Variants in KCNJ3 observed in about 807,000 individuals in gnomAD.
KCNJ3 encodes potassium inwardly rectifying channel subfamily J member 3.
Under a neutral mutation model 39.2 loss-of-function variants are expected in KCNJ3, and 4 were observed. That is an observed-to-expected ratio of 0.10 (90% CI 0.05 to 0.23). The LOEUF (loss-of-function observed/expected upper bound fraction) is 0.23. Ranked by LOEUF, KCNJ3 falls within the 10% of genes least tolerant of loss-of-function variation. KCNJ3 has a pLI of 1.00. For missense variants in KCNJ3, 276 were observed against 634.9 expected, an observed-to-expected ratio of 0.43 and a Z score of 6.08; for synonymous variants, 230 against 237.4, an observed-to-expected ratio of 0.97 and a Z score of 0.29.
At chr2:154,830,053 C>T (rs1215437948) in intron 2 of KCNJ3, among the ~76,000 whole-genome samples, 1 of 152,036 alleles carries the variant, frequency 6.6e-6, no homozygotes, top group Non-Finnish European at 1.5e-5. Flanking sequence ...TATAAGTAAA[C>T]CTGTACAGAA....
intron 2 of KCNJ3, among the ~76,000 whole-genome samples, chr2:154,755,169 A>T (rs578046506): frequency 6.6e-6 from 1 of 152,154 alleles, no homozygotes; most frequent in South Asian, 2.1e-4. Flanking sequence ...CCACATTTTT[A>T]AAGTTTTTCA....
At chr2:154,714,291 C>A (rs915867883) in intron 2 of KCNJ3, among the ~76,000 whole-genome samples, 2 of 152,104 alleles carry the variant, frequency 1.3e-5, no homozygotes, top group African/African-American at 4.8e-5. Context: ...TCCCTTTATA[C>A]ATTTAAGGTT....
At chr2:154,798,084 A>G (rs537277850) in intron 2 of KCNJ3, among the ~76,000 whole-genome samples, 1 of 151,890 alleles carries the variant, frequency 6.6e-6, no homozygotes, top group African/African-American at 2.4e-5. Flanking sequence ...CACACCCTAC[A>G]TGTACACAAA....
chr2:154,848,427 A>G (rs1360200378), intron 2 of KCNJ3, among the ~76,000 whole-genome samples: 2 of 152,122 alleles, frequency 1.3e-5, no homozygotes, highest in African/African-American at 4.8e-5. Flanking sequence ...AATTAATATC[A>G]CCACTATTAT....
At chr2:154,746,736 C>G (rs1310178444) in intron 2 of KCNJ3, among the ~76,000 whole-genome samples, 1 of 150,914 alleles carries the variant, frequency 6.6e-6, no homozygotes, top group African/African-American at 2.4e-5. Context: ...ACAGGGAGCA[C>G]AAGAAAATTC....
intron 2 of KCNJ3, among the ~76,000 whole-genome samples, chr2:154,852,375 G>A (rs996531533): frequency 5.3e-5 from 8 of 152,084 alleles, no homozygotes; most frequent in Non-Finnish European, 5.9e-5. Flanking sequence ...CAGCCTGGGC[G>A]ACAGAGTGAG....
At chr2:154,825,791 C>CTGGTCTCGCCCAGGT (rs1687261392) in intron 2 of KCNJ3, among the ~76,000 whole-genome samples, 1 of 151,346 alleles carries the variant, frequency 6.6e-6, no homozygotes, top group Non-Finnish European at 1.5e-5. Context: ...GTTGCCCAGG[C>CTGGTCTCGCCCAGGT]TGGTCTCAAA....
chr2:154,745,207 G>A (rs958989662), intron 2 of KCNJ3, among the ~76,000 whole-genome samples: 6 of 151,938 alleles, frequency 3.9e-5, no homozygotes, highest in African/African-American at 1.4e-4. Context: ...ATGTTAATTG[G>A]TGGAATGTTT....
chr2:154,806,914 A>G (rs1686921660), intron 2 of KCNJ3, among the ~76,000 whole-genome samples: 1 of 152,194 alleles, frequency 6.6e-6, no homozygotes, highest in Non-Finnish European at 1.5e-5. Context: ...GGTATATTAG[A>G]TTCCACGGGT....
intron 2 of KCNJ3, among the ~76,000 whole-genome samples, chr2:154,846,039 G>A (rs1194606075): frequency 6.6e-6 from 1 of 152,024 alleles, no homozygotes; most frequent in Admixed American, 6.6e-5. Context: ...AATAGGATAG[G>A]GAGTTAAAGG....
chr2:154,852,396 G>C (rs753539931), intron 2 of KCNJ3, among the ~76,000 whole-genome samples: 15 of 151,838 alleles, frequency 9.9e-5, no homozygotes, highest in Non-Finnish European at 1.8e-4. Context: ...ATCTCATCTC[G>C]AAAAACATAA....
intron 2 of KCNJ3, among the ~76,000 whole-genome samples, chr2:154,788,003 A>C (rs1327446417): frequency 6.6e-6 from 1 of 152,148 alleles, no homozygotes; most frequent in Non-Finnish European, 1.5e-5. Flanking sequence ...ACACATAGAC[A>C]TCTGTCCACA....
intron 2 of KCNJ3, among the ~76,000 whole-genome samples, chr2:154,842,365 T>C (rs1388457209): frequency 6.6e-6 from 1 of 152,208 alleles, no homozygotes; most frequent in Non-Finnish European, 1.5e-5. Flanking sequence ...TCCAATTATG[T>C]GGTCAATTTT....
At chr2:154,810,323 A>C (rs1250658760) in intron 2 of KCNJ3, among the ~76,000 whole-genome samples, 2 of 152,144 alleles carry the variant, frequency 1.3e-5, no homozygotes, top group East Asian at 3.9e-4. Flanking sequence ...GACTCAAGGG[A>C]TTTGCCTGCC....
chr2:154,826,411 GTTT>G (rs1014552966), intron 2 of KCNJ3, among the ~76,000 whole-genome samples: 4 of 152,088 alleles, frequency 2.6e-5, no homozygotes, highest in African/African-American at 9.7e-5. Context: ...CCCTTATGTT[GTTT>G]TCCTGTTACT....
chr2:154,766,165 C>G (rs1049829372), intron 2 of KCNJ3, among the ~76,000 whole-genome samples: 1 of 152,070 alleles, frequency 6.6e-6, no homozygotes, highest in Non-Finnish European at 1.5e-5. Flanking sequence ...TGCAAAAGGA[C>G]GTAATGAGCA....
intron 2 of KCNJ3, among the ~76,000 whole-genome samples, chr2:154,739,369 C>T (rs1365829108): frequency 3.3e-5 from 5 of 152,008 alleles, no homozygotes; most frequent in African/African-American, 9.7e-5. Context: ...ATAAAGAGTT[C>T]AAGTTCCCAG....
intron 2 of KCNJ3, among the ~76,000 whole-genome samples, chr2:154,798,508 C>T (rs560211622): frequency 2.0e-5 from 3 of 152,088 alleles, no homozygotes; most frequent in African/African-American, 7.2e-5. Flanking sequence ...GGATGACTAG[C>T]CTTTCTCGTT....
At position 154,855,372 on chromosome 2, in the gene KCNJ3, G is replaced by T; in HGVS notation, c.*59G>T. 3 of 1,166,126 alleles carry T rather than the reference G, an allele frequency of 2.6e-6. No individual in the cohort carries two copies. Among genetic ancestry groups the T allele is most frequent in the Non-Finnish European group, 2.4e-6 (2 of 832,516 alleles). 72.2% of individuals were successfully genotyped at this position (1,166,126 alleles called of 1,614,324 possible). On this transcript the variant is annotated 3_prime_UTR_variant, in exon 3 of 3. Coordinates refer to ENST00000295101, the MANE Select transcript of KCNJ3 (RefSeq NM_002239.4). ...ATTTAGTAATAGTCCAATATTTGGC[G>T]ATGAGGTAATTCTCCCTAAGGAATC...
Sources: gnomAD v4.1 joint callset for allele counts (sites outside exome capture counted in the v4.1 genomes callset) on GRCh38, gnomAD v4.1.1 for gene constraint, MANE v1.5 for transcripts, NCBI Gene and HGNC (gene_info 2026-07-23, HGNC 2026-07-21) for gene names.